MITF: variants seen among roughly 807,000 people sequenced by gnomAD.
MITF encodes the protein melanocyte inducing transcription factor.
A neutral mutation model predicts 60.5 loss-of-function variants in MITF; 17 were observed. That is an observed-to-expected ratio of 0.28 (90% CI 0.19 to 0.42). The LOEUF is 0.42. Among genes scored for constraint, MITF ranks in the 10% least tolerant of loss-of-function variants. MITF has a pLI of 1.00. For missense variants in MITF, 622 were observed against 683.5 expected, an observed-to-expected ratio of 0.91 and a Z score of 1.00; for synonymous variants, 260 against 248.5, an observed-to-expected ratio of 1.05 and a Z score of -0.43.
Position 69,923,408 on chromosome 3 carries a change from G to C in MITF, c.355-14414G>C, listed in dbSNP as rs551003700. ...CACCTAGGCTGGAATGCATTGATGC[G>C]ATCTTGGCTCATTGCAACCTCTGCC... On this transcript the variant is annotated intron_variant, in intron 2 of 9. Transcript: ENST00000352241. 1.8e-4 allele frequency among the ~76,000 whole-genome samples: 28 copies of C among 152,094 alleles called. 1 individual carries two copies. The highest frequency in any genetic ancestry group is 1.7e-3 in the Admixed American group (26 of 15,258).
rs1559746479 is a variant in MITF at position 69,953,631 on chromosome 3, A to ATATATATATATGTGTG, written c.955+1758_955+1759insGTGTATATATATATGT. 9.1e-5 allele frequency among the ~76,000 whole-genome samples: 6 copies of ATATATATATATGTGTG among 65,646 alleles called. No homozygotes were observed. The East Asian group carries it at 2.2e-3, about 24-fold the overall frequency. The allele number at this position is 65,646 out of a possible 152,430, so 43.1% of individuals were successfully genotyped here. ...TATATGTATATATATATATGTGTGT[A>ATATATATATATGTGTG]TATATATATATGTATGTATATATAT... On this transcript the variant is annotated intron_variant, in intron 7 of 9. Transcript: ENST00000352241.
intron 1 of MITF, among the ~76,000 whole-genome samples, chr3:69,824,408 T>C (rs1228434268): frequency 6.6e-6 from 1 of 152,208 alleles, no homozygotes; most frequent in African/African-American, 2.4e-5. Flanking sequence ...CTAGGTTCTA[T>C]GATGATTATC....
At position 69,965,421 on chromosome 3, in the gene MITF, G is replaced by A. The variant is rs1282183606; in HGVS notation, c.*173G>A. The A allele has an allele frequency of 1.5e-5, 10 of 647,188 alleles. No individual in the cohort carries two copies. The highest frequency in any genetic ancestry group is 2.6e-5 in the Non-Finnish European group (10 of 387,214). 40.1% of individuals were successfully genotyped at this position (647,188 alleles called of 1,614,324 possible). ...TTTTAGAATTTTGTGAAACAGACTT[G>A]TATATTCTATTTTACAACTACAAAT... On this transcript the variant is annotated 3_prime_UTR_variant, in exon 10 of 10. Coordinates refer to ENST00000352241, the MANE Select transcript of MITF (RefSeq NM_001354604.2).
Position 69,870,561 on chromosome 3 carries a change from A to G in MITF, c.105-8573A>G, listed in dbSNP as rs555767942. 5.9e-5 allele frequency among the ~76,000 whole-genome samples: 9 copies of G among 151,868 alleles called. 1 individual carries two copies. The South Asian group carries it at 1.9e-3, about 32-fold the overall frequency. On this transcript the variant is annotated intron_variant, in intron 1 of 9. Coordinates refer to ENST00000352241, the MANE Select transcript of MITF (RefSeq NM_001354604.2). ...GTGATTCTCCTGCCTCAGCCTCTTA[A>G]GTAGCTGGGACTACAGGCGTGTACC... is the stretch of plus-strand genomic sequence containing the variant.
At chr3:69,803,677 A>C (rs1018318733) in intron 1 of MITF, among the ~76,000 whole-genome samples, 45 of 152,232 alleles carry the variant, frequency 3.0e-4, no homozygotes, top group Non-Finnish European at 8.8e-5. Context: ...GAAAACAGGC[A>C]CATGTGTGTG....
chr3:69,946,268 C>T lies in MITF; in HGVS notation c.763-2783C>T, dbSNP rs549859534. On this transcript the variant is annotated intron_variant, in intron 5 of 9. Coordinates refer to ENST00000352241, the MANE Select transcript of MITF (RefSeq NM_001354604.2). ...TTCGTAAAGAGGCAGGATTTTAATC[C>T]GGATCTCTGACTCCTAAGCACAGGC... Among the ~76,000 whole-genome samples the T allele has an allele frequency of 8.5e-5, 13 of 152,238 alleles. 1 individual carries two copies. The highest frequency in any genetic ancestry group is 2.9e-4 in the African/African-American group (12 of 41,544).
intron 9 of MITF, among the ~76,000 whole-genome samples, chr3:69,961,196 A>T (rs1286107709): frequency 6.6e-6 from 1 of 151,860 alleles, no homozygotes; most frequent in Non-Finnish European, 1.5e-5. Context: ...CAGCCTGGCC[A>T]AGATGTTGAA....
chr3:69,941,769 C>A (rs2065974442), intron 5 of MITF, among the ~76,000 whole-genome samples: 1 of 152,160 alleles, frequency 6.6e-6, no homozygotes, highest in Admixed American at 6.5e-5. Flanking sequence ...TCTCCAACAG[C>A]AAAATCTATT....
intron 2 of MITF, among the ~76,000 whole-genome samples, chr3:69,926,618 C>A (rs554512276): frequency 6.6e-6 from 1 of 152,012 alleles, no homozygotes; most frequent in Non-Finnish European, 1.5e-5. Context: ...AACTGGGGCA[C>A]GTGGAAAAGT....
intron 2 of MITF, among the ~76,000 whole-genome samples, chr3:69,913,263 A>G (rs1205194372): frequency 1.3e-5 from 2 of 151,940 alleles, no homozygotes; most frequent in African/African-American, 4.8e-5. Flanking sequence ...GGCTTTTTGT[A>G]TTTGTTTATA....
At chr3:69,801,849 A>G (rs944563946) in intron 1 of MITF, among the ~76,000 whole-genome samples, 1 of 152,080 alleles carries the variant, frequency 6.6e-6, no homozygotes. Context: ...GGCTATGACA[A>G]CTGCTATTTG....
At position 69,937,943 on chromosome 3, in the gene MITF, C is replaced by G; in HGVS notation, c.476C>G (p.Pro159Arg). 1.9e-6 allele frequency: 3 copies of G among 1,614,178 alleles called. No homozygotes were observed. The highest frequency in any genetic ancestry group is 2.5e-6 in the Non-Finnish European group (3 of 1,180,020). ...CATGCCAACCAAGTCCTGAGCTTGCCATGTCCAAACCAGCCTGGCGATCAT... is the reference window on the plus strand; with the variant it reads ...CATGCCAACCAAGTCCTGAGCTTGCGATGTCCAAACCAGCCTGGCGATCAT... ...NKHANQVLSL[P>R]CPNQPGDHVM... The change falls in exon 3 of 10, where the codon CCA becomes CGA. Residue 159 changes from proline (P) to arginine (R), a missense_variant. Physicochemically the swap from Pro to Arg is moderately radical, Grantham distance 103. Transcript: ENST00000352241.
At chr3:69,835,835 G>C (rs1182316859) in intron 1 of MITF, among the ~76,000 whole-genome samples, 2 of 152,050 alleles carry the variant, frequency 1.3e-5, no homozygotes, top group African/African-American at 4.8e-5. Context: ...ATTGGTCTTT[G>C]TGTGTGTTTT....
At chr3:69,804,500 C>T (rs1184403319) in intron 1 of MITF, among the ~76,000 whole-genome samples, 1 of 152,094 alleles carries the variant, frequency 6.6e-6, no homozygotes, top group Non-Finnish European at 1.5e-5. Context: ...TTCTTCCATG[C>T]CCAACATTTA....
chr3:69,959,463 CT>C (rs1218546437), intron 9 of MITF, 43 bp downstream of exon 9: 25 of 1,611,372 alleles, frequency 1.6e-5, no homozygotes, highest in Non-Finnish European at 2.1e-5. Flanking sequence ...TTTTTACCGA[CT>C]TCAAGACAGT....
intron 1 of MITF, among the ~76,000 whole-genome samples, chr3:69,775,384 G>T (rs1275747667): frequency 6.6e-6 from 1 of 152,124 alleles, no homozygotes; most frequent in Admixed American, 6.5e-5. Flanking sequence ...TCAGCTGAGG[G>T]TAACAACTGT....
intron 1 of MITF, among the ~76,000 whole-genome samples, chr3:69,793,246 G>T (rs544461451): frequency 6.6e-6 from 1 of 152,068 alleles, no homozygotes; most frequent in Non-Finnish European, 1.5e-5. Context: ...GAACTACTAG[G>T]CTCAAGCAGT....
chr3:69,819,381 C>G (rs1240351585), intron 1 of MITF, among the ~76,000 whole-genome samples: 1 of 152,168 alleles, frequency 6.6e-6, no homozygotes, highest in Non-Finnish European at 1.5e-5. Flanking sequence ...TTTGGAAGCG[C>G]TTAAGCTAGA....
chr3:69,773,000 A>C (rs1173881592), intron 1 of MITF, among the ~76,000 whole-genome samples: 1 of 152,210 alleles, frequency 6.6e-6, no homozygotes, highest in Non-Finnish European at 1.5e-5. Context: ...GGTAAGTGTT[A>C]TAGAGAACGA....
Sources: gnomAD v4.1 joint callset for allele counts (sites outside exome capture counted in the v4.1 genomes callset) on GRCh38, gnomAD v4.1.1 for gene constraint, MANE v1.5 for transcripts, NCBI Gene and HGNC (gene_info 2026-07-23, HGNC 2026-07-21) for gene names.